Variants in CUX1 observed in about 807,000 individuals in gnomAD.
CUX1 encodes the protein protein CASP.
Under a neutral mutation model 158.8 loss-of-function variants are expected in CUX1, and 31 were observed. That is an observed-to-expected ratio of 0.20 (90% CI 0.15 to 0.26). The LOEUF (loss-of-function observed/expected upper bound fraction) is 0.26. Among genes scored for constraint, CUX1 ranks in the 10% least tolerant of loss-of-function variants. The pLI, the probability that CUX1 is intolerant of heterozygous loss-of-function variation, is 1.00. For synonymous variants in CUX1, 879 were observed against 862.1 expected, an observed-to-expected ratio of 1.02 and a Z score of -0.34; for missense variants, 1,589 against 2,014.6, an observed-to-expected ratio of 0.79 and a Z score of 4.04.
At position 102,252,844 on chromosome 7, in the gene CUX1, C is replaced by G; in HGVS notation, c.*3802C>G. On this transcript the variant is annotated 3_prime_UTR_variant, in exon 24 of 24. Transcript: ENST00000292535. ...AGAAAGGGTTATCAGAGCCATGGAGCTTAGCTCAATTGGATTCTTCTAGAC... is the reference window on the plus strand; with the variant it reads ...AGAAAGGGTTATCAGAGCCATGGAGGTTAGCTCAATTGGATTCTTCTAGAC... 1.0e-6 allele frequency: 1 copy of G among 985,444 alleles called. No individual in the cohort carries two copies. The allele number at this position is 985,444 out of a possible 1,614,324, so 61.0% of individuals were successfully genotyped here. A position where few individuals can be genotyped will look rare whatever the true frequency, so the allele number is the denominator to read the frequency against.
At chr7:102,227,268 A>T in intron 20 of CUX1, 99 bp from the exon 21 acceptor site, 1 of 1,063,224 alleles carries the variant, frequency 9.4e-7, no homozygotes, top group Non-Finnish European at 1.4e-6. Context: ...TGCTTCTCCT[A>T]CAGAGCGTTT....
In CUX1 at chr7:102,255,787, GTTTTA is replaced by G. The variant is rs1409045930; in HGVS notation, c.*6747_*6751del. 1.0e-6 allele frequency: 1 copy of G among 984,964 alleles called. No homozygotes were observed. The highest frequency in any genetic ancestry group is 6.2e-5 in the Admixed American group (1 of 16,236). 61.0% of individuals were successfully genotyped at this position (984,964 alleles called of 1,614,324 possible). On this transcript the variant is annotated 3_prime_UTR_variant, in exon 24 of 24. Coordinates refer to ENST00000292535, the MANE Select transcript of CUX1 (RefSeq NM_181552.4). ...ATTGAAGTGGCACGGAGCTGCTTTT[GTTTTA>G]TAATTCTTTTTTCCCCCCTTTTCCT...
intron 1 of CUX1, among the ~76,000 whole-genome samples, chr7:101,891,144 T>C (rs981220342): frequency 2.0e-5 from 3 of 152,196 alleles, no homozygotes; most frequent in Non-Finnish European, 4.4e-5. Context: ...TTTATTTGTC[T>C]CATTTGGGAC....
chr7:102,042,214 C>T (rs972745957), intron 3 of CUX1, among the ~76,000 whole-genome samples: 12 of 152,230 alleles, frequency 7.9e-5, no homozygotes, highest in African/African-American at 2.9e-4. Flanking sequence ...CAGTGCTGCA[C>T]TGGCCCTATG....
chr7:102,125,221 C>T (rs1832494622), intron 8 of CUX1, among the ~76,000 whole-genome samples: 2 of 152,192 alleles, frequency 1.3e-5, no homozygotes, highest in East Asian at 3.8e-4. Flanking sequence ...AGGGTTACCG[C>T]AGAGCTGAAC....
Position 102,254,590 on chromosome 7 carries a change from T to G in CUX1, c.*5548T>G, listed in dbSNP as rs922802862. ...AAAGTGTTCCCCTGCTGGAGACAGT[T>G]TGCAAGTAAGAACCTAAGGATGGGG... On this transcript the variant is annotated 3_prime_UTR_variant, in exon 24 of 24. Transcript: ENST00000292535. The G allele has an allele frequency of 8.1e-6, 8 of 985,380 alleles. No homozygotes were observed. In the Admixed American group the frequency reaches 4.9e-4, roughly 61 times the overall value. 61.0% of individuals were successfully genotyped at this position (985,380 alleles called of 1,614,324 possible).
rs374969587 is a variant in CUX1 at position 101,862,346 on chromosome 7, A to G, written c.30+44677A>G. ...TTCCAGTCTGGTGGGTCCCTAGAAT[A>G]TAATACATTGTGTGTTGTCGTAGGC... On this transcript the variant is annotated intron_variant, in intron 1 of 23. Coordinates refer to ENST00000292535, the MANE Select transcript of CUX1 (RefSeq NM_181552.4). 3.3e-5 allele frequency among the ~76,000 whole-genome samples: 5 copies of G among 152,070 alleles called. No individual in the cohort carries two copies. In the East Asian group the frequency reaches 7.7e-4, roughly 23 times the overall value.
exon 23 of CUX1, chr7:102,283,094 C>G (rs573670330): frequency 1.9e-5 from 30 of 1,613,012 alleles, no homozygotes; most frequent in Non-Finnish European, 2.5e-5. Flanking sequence ...GCAGTGATAC[C>G]CCGGGGCCTC....
At chr7:102,126,102 C>G (rs1166289146) in intron 8 of CUX1, among the ~76,000 whole-genome samples, 3 of 151,980 alleles carry the variant, frequency 2.0e-5, no homozygotes, top group African/African-American at 7.3e-5. Flanking sequence ...CAACCTCTGC[C>G]TCTTGGGTTC....
intron 1 of CUX1, among the ~76,000 whole-genome samples, chr7:101,867,037 A>G (rs1798004097): frequency 6.6e-6 from 1 of 152,230 alleles, no homozygotes; most frequent in South Asian, 2.1e-4. Context: ...CCTGGCCAAC[A>G]TGGCGAAACG....
intron 13 of CUX1, 116 bp from the exon 14 acceptor site, chr7:102,195,391 T>C (rs1794687850): frequency 5.3e-6 from 4 of 757,096 alleles, no homozygotes; most frequent in Non-Finnish European, 8.3e-6. Context: ...CCTAATCAGA[T>C]CGAGAGCTGG....
At chr7:101,984,133 C>CATATATATATATATATATAT (rs1563092159) in intron 2 of CUX1, among the ~76,000 whole-genome samples, 2 of 53,772 alleles carry the variant, frequency 3.7e-5, no homozygotes, top group African/African-American at 1.4e-4. Flanking sequence ...TATATATACA[C>CATATATATATATATATATAT]ACACACATAT....
In CUX1 at chr7:102,195,444, G is replaced by C. The variant is rs964658295; in HGVS notation, c.1126-63G>C. On this transcript the variant is annotated intron_variant, in intron 13 of 23. Coordinates refer to ENST00000292535, the MANE Select transcript of CUX1 (RefSeq NM_181552.4). ...TGGAGGGAGGCAGGGCTCCAGGCCT[G>C]GTGGCCCCGGGAGCGGGTGAGTGGC... 1.4e-4 allele frequency: 197 copies of C among 1,376,786 alleles called. 1 individual carries two copies. Among genetic ancestry groups the C allele is most frequent in the Non-Finnish European group, 1.9e-4 (194 of 999,162 alleles). 85.3% of individuals were successfully genotyped at this position (1,376,786 alleles called of 1,614,324 possible). A position where few individuals can be genotyped will look rare whatever the true frequency, so the allele number is the denominator to read the frequency against.
chr7:102,002,982 A>G (rs1585237173), intron 2 of CUX1, among the ~76,000 whole-genome samples: 1 of 151,774 alleles, frequency 6.6e-6, no homozygotes, highest in African/African-American at 2.4e-5. Flanking sequence ...GCTCACTGCA[A>G]CCTCCACCTC....
At chr7:101,920,482 C>T (rs1584984634) in intron 2 of CUX1, among the ~76,000 whole-genome samples, 1 of 152,204 alleles carries the variant, frequency 6.6e-6, no homozygotes, top group African/African-American at 2.4e-5. Flanking sequence ...TAGTCTCAAA[C>T]TCCTGCGCTC....
chr7:101,914,478 TCTTC>T (rs562140271), intron 1 of CUX1, among the ~76,000 whole-genome samples: 66 of 142,920 alleles, frequency 4.6e-4, no homozygotes, highest in South Asian at 4.0e-3. Context: ...TTCCTTCCCT[TCTTC>T]CTTCCTTCCT....
exon 18 of CUX1, chr7:102,278,045 C>T: frequency 6.2e-7 from 1 of 1,611,052 alleles, no homozygotes; most frequent in Non-Finnish European, 8.5e-7. Context: ...GATCAAGTTC[C>T]TGCAGAGCTA....
chr7:102,138,823 A>G (rs1456673002), intron 8 of CUX1, among the ~76,000 whole-genome samples: 2 of 152,136 alleles, frequency 1.3e-5, no homozygotes, highest in Non-Finnish European at 2.9e-5. Flanking sequence ...CATATGGTAA[A>G]TATTTTTTAC....
At chr7:101,967,508 C>G (rs1373569827) in intron 2 of CUX1, among the ~76,000 whole-genome samples, 1 of 152,184 alleles carries the variant, frequency 6.6e-6, no homozygotes, top group Admixed American at 6.5e-5. Context: ...GTGTGATGTT[C>G]ATTGAATGCA....
Sources: allele counts gnomAD v4.1 joint callset (sites outside exome capture counted in the v4.1 genomes callset), GRCh38; gene constraint gnomAD v4.1.1; transcripts MANE v1.5; gene names NCBI Gene and HGNC (gene_info 2026-07-23, HGNC 2026-07-21).